Variants in TTC17 observed in about 807,000 individuals in gnomAD.
TTC17 encodes the protein tetratricopeptide repeat domain 17.
Under a neutral mutation model 143.8 loss-of-function variants are expected in TTC17, and 58 were observed. The observed-to-expected ratio is 0.40, with a 90% CI of 0.33 to 0.50. The LOEUF is 0.50. TTC17 is among the 20% of genes least tolerant of loss of function. The pLI is 0.49. For missense variants in TTC17, 1,273 were observed against 1,392.5 expected, an observed-to-expected ratio of 0.91 and a Z score of 1.37; for synonymous variants, 501 against 497.8, an observed-to-expected ratio of 1.01 and a Z score of -0.09.
chr11:43,448,895 G>A (rs1028184138), intron 19 of TTC17: 1 of 151,580 alleles, frequency 6.6e-6, no homozygotes, highest in Non-Finnish European at 1.5e-5. Flanking sequence ...GTAATGCTTA[G>A]GCCAAAAACC....
At chr11:43,485,601 A>G (rs562398219) in intron 21 of TTC17, among the ~76,000 whole-genome samples, 2 of 152,354 alleles carry the variant, frequency 1.3e-5, no homozygotes, top group East Asian at 3.9e-4. Flanking sequence ...TACAAAACAT[A>G]TAAATTGATG....
intron 18 of TTC17, chr11:43,446,582 T>G: frequency 8.7e-6 from 7 of 801,326 alleles, no homozygotes; most frequent in Non-Finnish European, 1.1e-5. Flanking sequence ...AGTTATTAAT[T>G]TAAACAGAGT....
rs143765769 is a variant in TTC17, at chr11:43,413,783, C to A, written c.2065-807C>A. 9.8e-4 allele frequency among the ~76,000 whole-genome samples: 149 copies of A among 151,864 alleles called. 1 individual carries two copies. Among genetic ancestry groups the A allele is most frequent in the African/African-American group, 3.5e-3 (143 of 41,432 alleles). On this transcript the variant is annotated intron_variant, in intron 15 of 23. Coordinates refer to ENST00000039989, the MANE Select transcript of TTC17 (RefSeq NM_018259.6). ...ACCACAGTTAGACACCACTGCAGCT[C>A]ACTAAAATAGCTAAAATTAAAAAGA... is the stretch of plus-strand genomic sequence containing the variant.
rs574160344 is a variant in TTC17 at position 43,446,918 on chromosome 11, C to T, written c.2666-1084C>T. Among the ~76,000 whole-genome samples, 4 of 152,284 alleles carry T rather than the reference C, an allele frequency of 2.6e-5. No homozygotes were observed. In the South Asian group the frequency reaches 6.2e-4, roughly 24 times the overall value. On this transcript the variant is annotated intron_variant, in intron 18 of 23. Coordinates refer to ENST00000039989, the MANE Select transcript of TTC17 (RefSeq NM_018259.6). ...ATAGCTTGTTGATTGGGAACATACA[C>T]GTTAGAGTCAAACAGACTCCTAGCT...
intron 21 of TTC17, among the ~76,000 whole-genome samples, chr11:43,472,532 T>C (rs1948111455): frequency 6.6e-6 from 1 of 152,196 alleles, no homozygotes; most frequent in Non-Finnish European, 1.5e-5. Context: ...AGCATAGTTT[T>C]AAGTTCTATA....
At chr11:43,484,073 C>A (rs548982125) in intron 21 of TTC17, among the ~76,000 whole-genome samples, 1 of 152,066 alleles carries the variant, frequency 6.6e-6, no homozygotes, top group African/African-American at 2.4e-5. Flanking sequence ...ACCCAGGAGG[C>A]GGAGGTTGCA....
chr11:43,450,814 A>G (rs1947643088), intron 20 of TTC17, among the ~76,000 whole-genome samples: 2 of 152,220 alleles, frequency 1.3e-5, no homozygotes, highest in South Asian at 4.1e-4. Flanking sequence ...GTGAGAAAAA[A>G]ATGTACATAG....
intron 2 of TTC17, among the ~76,000 whole-genome samples, chr11:43,381,545 A>G (rs71488362): frequency 6.6e-6 from 1 of 152,212 alleles, no homozygotes; most frequent in Non-Finnish European, 1.5e-5. Flanking sequence ...AATAATAACA[A>G]CAACAAAAGA....
intron 5 of TTC17, among the ~76,000 whole-genome samples, chr11:43,392,184 A>ATC (rs1857416512): frequency 6.6e-6 from 1 of 152,222 alleles, no homozygotes; most frequent in Non-Finnish European, 1.5e-5. Flanking sequence ...AACTGATGAA[A>ATC]AACGAAATAT....
chr11:43,487,326 A>C (rs1480122001), intron 21 of TTC17, among the ~76,000 whole-genome samples: 1 of 151,942 alleles, frequency 6.6e-6, no homozygotes. Context: ...TTGTATTTTT[A>C]GTATAGACGG....
chr11:43,397,906 G>T (rs1857674542), intron 7 of TTC17, 68 bp from the exon 8 acceptor site: 2 of 300,218 alleles, frequency 6.7e-6, no homozygotes, highest in Non-Finnish European at 8.4e-6. Flanking sequence ...TTTTCCGTGT[G>T]TGTGTGTGTG....
At chr11:43,381,517 G>C (rs114217654) in intron 2 of TTC17, among the ~76,000 whole-genome samples, 31 of 152,228 alleles carry the variant, frequency 2.0e-4, no homozygotes, top group African/African-American at 7.2e-4. Context: ...CTCCTAGAAA[G>C]AGCCTGGCAA....
intron 21 of TTC17, 179 bp from the exon 22 acceptor site, chr11:43,490,060 C>A: frequency 1.4e-6 from 1 of 710,848 alleles, no homozygotes. Context: ...TAGTATCAAG[C>A]TCACAGGATT....
chr11:43,383,147 T>G (rs912610675), intron 2 of TTC17, among the ~76,000 whole-genome samples: 5 of 152,114 alleles, frequency 3.3e-5, no homozygotes, highest in African/African-American at 1.2e-4. Flanking sequence ...TCCTCCCACC[T>G]TGGGCTCCCA....
chr11:43,373,886 C>T lies in TTC17; in HGVS notation c.160-5347C>T, dbSNP rs550597005. Among the ~76,000 whole-genome samples the T allele has an allele frequency of 2.6e-5, 4 of 152,292 alleles. No homozygotes were observed. The South Asian group carries it at 6.2e-4, about 24-fold the overall frequency. On this transcript the variant is annotated intron_variant, in intron 1 of 23. Coordinates refer to ENST00000039989, the MANE Select transcript of TTC17 (RefSeq NM_018259.6). ...ATAGATGAAGAAACAGAAGCCCAGG[C>T]AGGGAAGATGATCTGTTTAAAGCCA...
intron 1 of TTC17, among the ~76,000 whole-genome samples, chr11:43,377,517 A>G (rs1026751988): frequency 6.6e-6 from 1 of 152,180 alleles, no homozygotes; most frequent in Non-Finnish European, 1.5e-5. Flanking sequence ...CTCAGAAAAC[A>G]TGTATGTCAG....
At chr11:43,430,117 G>A (rs192703947) in intron 16 of TTC17, among the ~76,000 whole-genome samples, 20 of 152,242 alleles carry the variant, frequency 1.3e-4, no homozygotes, top group East Asian at 1.2e-3. Context: ...GGGAAGCTTC[G>A]ACTGAAGCAA....
At chr11:43,417,784 G>A (rs1312148214) in intron 16 of TTC17, among the ~76,000 whole-genome samples, 2 of 152,242 alleles carry the variant, frequency 1.3e-5, no homozygotes, top group Non-Finnish European at 2.9e-5. Flanking sequence ...CCAGGAGGCA[G>A]AGGTTGCGGT....
intron 18 of TTC17, chr11:43,446,736 T>G: frequency 1.1e-6 from 1 of 924,786 alleles, no homozygotes; most frequent in Non-Finnish European, 1.3e-6. Context: ...TTCTCCTTCC[T>G]GCCTATTCCA....
Sources: allele counts gnomAD v4.1 joint callset (sites outside exome capture counted in the v4.1 genomes callset), GRCh38; gene constraint gnomAD v4.1.1; transcripts MANE v1.5; gene names NCBI Gene and HGNC (gene_info 2026-07-23, HGNC 2026-07-21).